The following ZBTB20 variants were observed in gnomAD, a reference collection of about 807,000 sequenced individuals.
The protein encoded by ZBTB20 is zinc finger and BTB domain-containing protein 20.
A neutral mutation model predicts 56.9 loss-of-function variants in ZBTB20; 9 were observed. The ratio of observed to expected loss-of-function variants is 0.16; its 90% confidence interval spans 0.10 to 0.28. The LOEUF is 0.28. ZBTB20 is among the 10% of genes least tolerant of loss of function. The pLI, the probability that ZBTB20 is intolerant of heterozygous loss-of-function variation, is 1.00. For missense variants in ZBTB20, 655 were observed against 1,003.0 expected (o/e 0.65, Z 4.69); for synonymous variants, 417 against 420.7 (o/e 0.99, Z 0.11).
chr3:114,613,638 T>C (rs1191009423), intron 6 of ZBTB20, among the ~76,000 whole-genome samples: 2 of 152,078 alleles, frequency 1.3e-5, no homozygotes, highest in Non-Finnish European at 2.9e-5. Flanking sequence ...AGTACCAAGC[T>C]CACTTCATCC....
rs74673897 is a variant in ZBTB20, at chr3:114,445,117, T to C, written c.-255+55235A>G. Reference sequence around the variant, plus strand: ...AAACTTCAAACAATAGCATAACAAGTTGCTATAACAATTACACTTACATAA... The same window carrying C: ...AAACTTCAAACAATAGCATAACAAGCTGCTATAACAATTACACTTACATAA... On this transcript the variant is annotated intron_variant, in intron 7 of 11. Coordinates refer to ENST00000675478, the MANE Select transcript of ZBTB20 (RefSeq NM_001348800.3). Among the ~76,000 whole-genome samples, 241 of 152,298 alleles carry C rather than the reference T, an allele frequency of 1.6e-3. 2 individuals are homozygous for C. Among genetic ancestry groups the C allele is most frequent in the African/African-American group, 5.5e-3 (230 of 41,586 alleles).
At chr3:114,824,287 A>C (rs1268063662) in intron 4 of ZBTB20, among the ~76,000 whole-genome samples, 1 of 152,008 alleles carries the variant, frequency 6.6e-6, no homozygotes, top group Non-Finnish European at 1.5e-5. Context: ...ATAGATCCCA[A>C]AAACCAATGA....
intron 7 of ZBTB20, chr3:114,454,731 G>T (rs1204683154): frequency 6.6e-6 from 1 of 151,266 alleles, no homozygotes; most frequent in East Asian, 1.9e-4. Context: ...AAAAAAAATG[G>T]CTTCGGAGCT....
At chr3:114,747,225 G>T (rs1268751253) in intron 5 of ZBTB20, among the ~76,000 whole-genome samples, 1 of 152,122 alleles carries the variant, frequency 6.6e-6, no homozygotes, top group Admixed American at 6.6e-5. Context: ...AAGAATAAAA[G>T]TTGAAGATCC....
intron 4 of ZBTB20, among the ~76,000 whole-genome samples, chr3:114,863,837 A>G (rs922952687): frequency 6.6e-6 from 1 of 152,002 alleles, no homozygotes; most frequent in Non-Finnish European, 1.5e-5. Flanking sequence ...ACTTCACTCT[A>G]TAAGAAAACC....
In ZBTB20 at chr3:114,331,094, G is replaced by C. The variant is rs1281431654; in HGVS notation, c.*7911C>G. ...GCAGAATTAGGAAGCTTTAGTTTGA[G>C]AATAAAATTTATGTGTGTGTGTGTG... On this transcript the variant is annotated 3_prime_UTR_variant, in exon 12 of 12. Coordinates refer to ENST00000675478, the MANE Select transcript of ZBTB20 (RefSeq NM_001348800.3). The C allele has an allele frequency of 7.7e-6, 1 of 130,254 alleles. No individual in the cohort carries two copies. Among genetic ancestry groups the C allele is most frequent in the Non-Finnish European group, 1.7e-5 (1 of 60,596 alleles). The allele number at this position is 130,254 out of a possible 1,614,324, so 8.1% of individuals were successfully genotyped here.
chr3:114,729,956 ATTTTTTT>A lies in ZBTB20; in HGVS notation c.-342-36388_-342-36382del, dbSNP rs1229757252. Among the ~76,000 whole-genome samples the A allele has an allele frequency of 2.9e-3, 351 of 119,440 alleles. 1 individual carries two copies. The highest frequency in any genetic ancestry group is 9.6e-3 in the African/African-American group (291 of 30,402). The allele number at this position is 119,440 out of a possible 152,430, so 78.4% of individuals were successfully genotyped here. A position where few individuals can be genotyped will look rare whatever the true frequency, so the allele number is the denominator to read the frequency against. On this transcript the variant is annotated intron_variant, in intron 5 of 11. Coordinates refer to ENST00000675478, the MANE Select transcript of ZBTB20 (RefSeq NM_001348800.3). ...GTAGCTGGGATCACACATCCGGCTA[ATTTTTTT>A]TTTTTTTTTTTTTTTGTATAGACAG...
intron 6 of ZBTB20, among the ~76,000 whole-genome samples, chr3:114,619,044 AC>A (rs1422786530): frequency 6.6e-6 from 1 of 152,128 alleles, no homozygotes; most frequent in Non-Finnish European, 1.5e-5. Flanking sequence ...GTACATGACT[AC>A]CCAGGAGGAC....
intron 6 of ZBTB20, among the ~76,000 whole-genome samples, chr3:114,665,685 C>A (rs975852711): frequency 6.6e-6 from 1 of 151,924 alleles, no homozygotes; most frequent in Non-Finnish European, 1.5e-5. Context: ...ACAGGACAGT[C>A]ATTAAAGAGT....
intron 4 of ZBTB20, among the ~76,000 whole-genome samples, chr3:114,815,943 C>T (rs866362758): frequency 7.9e-5 from 12 of 152,206 alleles, no homozygotes; most frequent in Admixed American, 3.3e-4. Flanking sequence ...TGCTACAACA[C>T]TACAACATTA....
intron 1 of ZBTB20, among the ~76,000 whole-genome samples, chr3:115,092,879 GCT>G (rs781682231): frequency 1.8e-4 from 28 of 152,068 alleles, no homozygotes; most frequent in Admixed American, 1.6e-3. Flanking sequence ...AAGTGCCTGT[GCT>G]CTCTCAAGCC....
intron 5 of ZBTB20, among the ~76,000 whole-genome samples, chr3:114,696,575 G>T (rs1264684110): frequency 6.6e-6 from 1 of 151,986 alleles, no homozygotes; most frequent in African/African-American, 2.4e-5. Context: ...AACTAAAAAG[G>T]AAGACCAAAA....
intron 7 of ZBTB20, among the ~76,000 whole-genome samples, chr3:114,398,122 C>CAT (rs1173364905): frequency 6.6e-6 from 1 of 152,096 alleles, no homozygotes; most frequent in Non-Finnish European, 1.5e-5. Context: ...CTTCAGGGTC[C>CAT]ATATATAAAA....
chr3:114,911,750 G>A (rs1282604318), intron 3 of ZBTB20, among the ~76,000 whole-genome samples: 1 of 151,792 alleles, frequency 6.6e-6, no homozygotes, highest in Non-Finnish European at 1.5e-5. Flanking sequence ...GAAAAAGCAT[G>A]ATGAAAGTAT....
At chr3:114,958,884 T>C (rs2107959696) in intron 3 of ZBTB20, among the ~76,000 whole-genome samples, 1 of 151,210 alleles carries the variant, frequency 6.6e-6, no homozygotes, top group African/African-American at 2.4e-5. Context: ...AAGAAAGTAA[T>C]AATAGGCATT....
intron 2 of ZBTB20, among the ~76,000 whole-genome samples, chr3:115,061,400 T>TA (rs1229567684): frequency 1.3e-5 from 2 of 152,258 alleles, no homozygotes; most frequent in South Asian, 2.1e-4. Context: ...TGCAAGTTTT[T>TA]AAAAAAATTA....
intron 1 of ZBTB20, among the ~76,000 whole-genome samples, chr3:115,120,944 G>C (rs1477563572): frequency 6.6e-6 from 1 of 151,832 alleles, no homozygotes; most frequent in Non-Finnish European, 1.5e-5. Context: ...CTTTAACCAG[G>C]AAAAAAAGAA....
chr3:114,403,947 T>C (rs2087049941), intron 7 of ZBTB20, among the ~76,000 whole-genome samples: 1 of 152,068 alleles, frequency 6.6e-6, no homozygotes, highest in African/African-American at 2.4e-5. Flanking sequence ...GAGTGTTAGA[T>C]TAGATGGTTT....
chr3:114,827,521 T>G (rs929614740), intron 4 of ZBTB20, among the ~76,000 whole-genome samples: 1 of 151,782 alleles, frequency 6.6e-6, no homozygotes, highest in Non-Finnish European at 1.5e-5. Context: ...AAATAGTAGG[T>G]CTTAGCGCTT....
Sources: allele counts gnomAD v4.1 joint callset (sites outside exome capture counted in the v4.1 genomes callset), GRCh38; gene constraint gnomAD v4.1.1; transcripts MANE v1.5; gene names NCBI Gene and HGNC (gene_info 2026-07-23, HGNC 2026-07-21).